PDK1: variants seen among roughly 807,000 people sequenced by gnomAD.
The protein encoded by PDK1 is [Pyruvate dehydrogenase (acetyl-transferring)] kinase isozyme 1, mitochondrial.
PDK1 carries 39 observed loss-of-function variants against 54.2 expected under a neutral mutation model. The ratio of observed to expected loss-of-function variants is 0.72; its 90% CI spans 0.56 to 0.94. The LOEUF (loss-of-function observed/expected upper bound fraction) is 0.94. PDK1 is among the 40% of genes least tolerant of loss of function. PDK1 has a pLI of 0.00. For synonymous variants in PDK1, 221 were observed against 207.1 expected (o/e 1.07, Z -0.58); for missense variants, 552 against 566.0 (o/e 0.98, Z 0.25).
Position 172,591,340 on chromosome 2 carries a change from G to A in PDK1, c.1057-1595G>A, listed in dbSNP as rs189634262. 2.2e-3 allele frequency among the ~76,000 whole-genome samples: 337 copies of A among 152,312 alleles called. 2 individuals carry two copies. The highest frequency in any genetic ancestry group is 7.6e-3 in the African/African-American group (314 of 41,566). The stretch of plus-strand genomic sequence containing the variant: ...AGACTTTTCCTGTAAACGCCGGGCG[G>A]CATCTCATACTATCCCTGACTGGTT... On this transcript the variant is annotated intron_variant, in intron 9 of 10. Coordinates refer to ENST00000282077, the MANE Select transcript of PDK1 (RefSeq NM_002610.5).
At chr2:172,558,177 G>A (rs1688455234) in intron 1 of PDK1, 1 of 152,320 alleles carries the variant, frequency 6.6e-6, no homozygotes, top group Non-Finnish European at 1.5e-5. Context: ...TAAGCAGTGG[G>A]AGTGGAGAAG....
chr2:172,646,735 C>CTTTTTTTTTTTTTTTTTTTTT, the PDK1 span, among the ~76,000 whole-genome samples: 246 of 72,010 alleles, frequency 3.4e-3, 32 homozygotes, highest in African/African-American at 8.4e-3. Context: ...CTTGCATTTC[C>CTTTTTTTTTTTTTTTTTTTTT]TTTTTTTTTT....
At chr2:172,559,282 C>CTGGGGGCAGG (rs1271117503) in intron 2 of PDK1, among the ~76,000 whole-genome samples, 5 of 152,082 alleles carry the variant, frequency 3.3e-5, no homozygotes, top group Non-Finnish European at 5.9e-5. Context: ...CTTTTTTTGG[C>CTGGGGGCAGG]TGGGGGCAGG....
the PDK1 span, among the ~76,000 whole-genome samples, chr2:172,636,471 G>GC: frequency 3.9e-5 from 6 of 152,146 alleles, no homozygotes; most frequent in African/African-American, 9.7e-5. Flanking sequence ...TGTAATTCCA[G>GC]CATTTTGGGA....
At chr2:172,664,311 C>CAAAAAAAA in the PDK1 span, among the ~76,000 whole-genome samples, 286 of 44,090 alleles carry the variant, frequency 6.5e-3, 68 homozygotes, top group African/African-American at 0.021. Context: ...AACTCTGCCT[C>CAAAAAAAA]AAAAAAAAAA....
the PDK1 span, among the ~76,000 whole-genome samples, chr2:172,624,525 C>T: frequency 5.3e-5 from 8 of 152,008 alleles, no homozygotes; most frequent in African/African-American, 1.2e-4. Context: ...AACCATCCCC[C>T]GAACACCATC....
At chr2:172,621,586 G>A in the PDK1 span, among the ~76,000 whole-genome samples, 1 of 146,468 alleles carries the variant, frequency 6.8e-6, no homozygotes, top group South Asian at 2.1e-4. Flanking sequence ...TATGATATAT[G>A]TTTATATATG....
At chr2:172,588,962 T>C (rs1690415931) in intron 9 of PDK1, among the ~76,000 whole-genome samples, 1 of 152,258 alleles carries the variant, frequency 6.6e-6, no homozygotes, top group African/African-American at 2.4e-5. Flanking sequence ...CACTGCTGTC[T>C]TTCAGGCCTG....
the PDK1 span, among the ~76,000 whole-genome samples, chr2:172,719,329 T>C: frequency 6.6e-6 from 1 of 152,334 alleles, no homozygotes; most frequent in East Asian, 1.9e-4. Flanking sequence ...TGGTAAATGG[T>C]TAAGAGAGGA....
intron 3 of PDK1, among the ~76,000 whole-genome samples, chr2:172,563,142 A>G (rs1574467918): frequency 6.6e-6 from 1 of 152,198 alleles, no homozygotes; most frequent in Non-Finnish European, 1.5e-5. Context: ...AAGGTTACAT[A>G]GTTAGCAAAT....
the PDK1 span, among the ~76,000 whole-genome samples, chr2:172,702,028 G>A: frequency 4.0e-4 from 61 of 152,220 alleles, no homozygotes; most frequent in Non-Finnish European, 7.5e-4. Flanking sequence ...CCTCCAAAAA[G>A]GATTTACATG....
the PDK1 span, among the ~76,000 whole-genome samples, chr2:172,656,929 GC>G: frequency 6.6e-6 from 1 of 152,202 alleles, no homozygotes; most frequent in Non-Finnish European, 1.5e-5. Flanking sequence ...AAGTGTGGGG[GC>G]TCTCCTAAGA....
At chr2:172,591,217 A>C (rs1558955580) in intron 9 of PDK1, among the ~76,000 whole-genome samples, 1 of 152,246 alleles carries the variant, frequency 6.6e-6, no homozygotes, top group Non-Finnish European at 1.5e-5. Context: ...GGTGAGTAAT[A>C]GCAAGATGGC....
the PDK1 span, among the ~76,000 whole-genome samples, chr2:172,646,933 C>T: frequency 6.6e-6 from 1 of 151,858 alleles, no homozygotes; most frequent in Non-Finnish European, 1.5e-5. Flanking sequence ...GACGGGGTTT[C>T]ACCATGTTGC....
At chr2:172,637,349 A>G in the PDK1 span, among the ~76,000 whole-genome samples, 105 of 152,284 alleles carry the variant, frequency 6.9e-4, no homozygotes, top group African/African-American at 2.4e-3. Context: ...CACAGAGGTC[A>G]CTTATTCTGC....
the PDK1 span, among the ~76,000 whole-genome samples, chr2:172,699,510 G>A: frequency 8.8e-6 from 1 of 113,074 alleles, no homozygotes; most frequent in Non-Finnish European, 1.8e-5. Context: ...TGTTCAGATT[G>A]TAAAAGTTAA....
At chr2:172,580,657 A>C (rs550815012) in intron 8 of PDK1, among the ~76,000 whole-genome samples, 61 of 152,318 alleles carry the variant, frequency 4.0e-4, no homozygotes, top group Non-Finnish European at 7.4e-4. Context: ...ACACACAAAT[A>C]CTCATAGTGG....
chr2:172,605,047 C>G lies in PDK1; in HGVS notation c.*9078C>G, dbSNP rs1374571377. ...TGAGGCTCTCAGAGAAAACTTTTCC[C>G]TCTATAGACTCCCCATTTTAAGAAG... On this transcript the variant is annotated 3_prime_UTR_variant, in exon 11 of 11. Transcript: ENST00000282077. 6.6e-6 allele frequency: 1 copy of G among 152,182 alleles called. No homozygotes were observed. Among genetic ancestry groups the G allele is most frequent in the Non-Finnish European group, 1.5e-5 (1 of 68,040 alleles). 9.4% of individuals were successfully genotyped at this position (152,182 alleles called of 1,614,324 possible).
At chr2:172,688,532 G>C in the PDK1 span, among the ~76,000 whole-genome samples, 2 of 152,214 alleles carry the variant, frequency 1.3e-5, no homozygotes, top group African/African-American at 2.4e-5. Context: ...GGTAGCACTT[G>C]TGTTAGTTTG....
Sources: allele counts gnomAD v4.1 joint callset (sites outside exome capture counted in the v4.1 genomes callset), GRCh38; gene constraint gnomAD v4.1.1; transcripts MANE v1.5; gene names NCBI Gene and HGNC (gene_info 2026-07-23, HGNC 2026-07-21).